The following CABP5 variants were observed in gnomAD, a reference collection of about 807,000 sequenced individuals.
The protein encoded by CABP5 is calcium binding protein 5, also known as calcium-binding protein 5.
Under a neutral mutation model 21.9 loss-of-function variants are expected in CABP5, and 17 were observed. That is an observed-to-expected ratio of 0.78 (90% CI 0.53 to 1.17). CABP5 has a LOEUF of 1.17. Ranked by LOEUF, CABP5 falls within the 50% of genes most tolerant of loss-of-function variation. The pLI, the probability that CABP5 is intolerant of heterozygous loss-of-function variation, is 0.00. For synonymous variants in CABP5, 85 were observed against 79.4 expected (o/e 1.07, Z -0.37); for missense variants, 229 against 228.9 (o/e 1.00, Z 0.00).
chr19:48,042,462 A>G (rs1248501016), intron 1 of CABP5, among the ~76,000 whole-genome samples: 2 of 151,726 alleles, frequency 1.3e-5, no homozygotes, highest in Non-Finnish European at 2.9e-5. Flanking sequence ...AATTCTACTG[A>G]CCTCTGGTCT....
At chr19:48,040,534 T>C in intron 3 of CABP5, 71 bp downstream of exon 3, 1 of 1,554,840 alleles carries the variant, frequency 6.4e-7, no homozygotes, top group Non-Finnish European at 8.8e-7. Flanking sequence ...ACTCTTAACC[T>C]CTACATCCTT....
intron 5 of CABP5, among the ~76,000 whole-genome samples, chr19:48,033,627 A>C (rs1432373201): frequency 6.6e-6 from 1 of 152,172 alleles, no homozygotes; most frequent in Non-Finnish European, 1.5e-5. Context: ...GAGAGGGGAA[A>C]GGGTATTCCA....
At chr19:48,035,692 A>G (rs1967399305) in intron 4 of CABP5, among the ~76,000 whole-genome samples, 1 of 152,272 alleles carries the variant, frequency 6.6e-6, no homozygotes, top group South Asian at 2.1e-4. Context: ...CAAGTTAACA[A>G]GTGCCGTAAG....
intron 1 of CABP5, 32 bp downstream of exon 1, chr19:48,043,828 C>G: frequency 6.8e-7 from 1 of 1,478,438 alleles, no homozygotes; most frequent in Non-Finnish European, 8.9e-7. Flanking sequence ...TTTGCCCCGC[C>G]CACCGCCCTT....
Position 48,029,849 on chromosome 19 carries a change from G to A in CABP5, c.*708C>T, listed in dbSNP as rs1222168649. On this transcript the variant is annotated 3_prime_UTR_variant, in exon 6 of 6. Transcript: ENST00000293255. ...GAGAGAGAGAGAGAAACCAGACAGT[G>A]CTTCCAGGAAATCAGGAAAAGGAAG... The A allele has an allele frequency of 9.2e-6, 1 of 108,422 alleles. No homozygotes were observed. The highest frequency in any genetic ancestry group is 9.2e-5 in the Admixed American group (1 of 10,874). 6.7% of individuals were successfully genotyped at this position (108,422 alleles called of 1,614,324 possible).
intron 1 of CABP5, among the ~76,000 whole-genome samples, chr19:48,043,255 G>A (rs954589036): frequency 2.7e-5 from 4 of 148,346 alleles, no homozygotes; most frequent in South Asian, 2.2e-4. Flanking sequence ...TGATCCTCCC[G>A]CCTCTGCCTC....
Position 48,030,449 on chromosome 19 carries a change from C to A in CABP5, c.*108G>T. 2 of 1,150,890 alleles carry A rather than the reference C, an allele frequency of 1.7e-6. No individual in the cohort carries two copies. The highest frequency in any genetic ancestry group is 2.4e-5 in the East Asian group (1 of 41,260). The allele number at this position is 1,150,890 out of a possible 1,614,324, so 71.3% of individuals were successfully genotyped here. On this transcript the variant is annotated 3_prime_UTR_variant, in exon 6 of 6. Coordinates refer to ENST00000293255, the MANE Select transcript of CABP5 (RefSeq NM_019855.5). The stretch of plus-strand genomic sequence containing the variant: ...ATGCCAATGCCCTCCCTCCCGCCTG[C>A]CCTCCCTCTCTGCTTTAAGGGGATC...
rs375256746 is a variant in CABP5, at chr19:48,034,240, A to G, written c.471T>C (p.Asn157=). The G allele has an allele frequency of 1.9e-4, 302 of 1,604,852 alleles. No homozygotes were observed. Among genetic ancestry groups the G allele is most frequent in the South Asian group, 1.0e-3 (94 of 89,878 alleles). ...ISEVVREADV[N]GDGTVDFEEF... is the part of the protein sequence containing the mutation. ...CTTCAAAGTCAACTGTGCCGTCTCC[A>G]TTAACATCAGCCTCCCGGACAACCT... The change falls in exon 5 of 6, where the codon AAT becomes AAC. Residue 157 remains asparagine (N), a synonymous_variant. Transcript: ENST00000293255.
chr19:48,033,424 G>T (rs1228602246), intron 5 of CABP5, among the ~76,000 whole-genome samples: 25 of 152,172 alleles, frequency 1.6e-4, no homozygotes, highest in Admixed American at 1.6e-3. Context: ...CTAGGATTTG[G>T]GGATATAGTG....
At position 48,029,831 on chromosome 19, in the gene CABP5, A is replaced by AGAGAGAGAGAGAGAGAGAGAGG. The variant is rs1340907930; in HGVS notation, c.*725_*726insCCTCTCTCTCTCTCTCTCTCTC. On this transcript the variant is annotated 3_prime_UTR_variant, in exon 6 of 6. Coordinates refer to ENST00000293255, the MANE Select transcript of CABP5 (RefSeq NM_019855.5). ...GAGAGAGAGAGAGAGAGAGAGAGAG[A>AGAGAGAGAGAGAGAGAGAGAGG]GAGAGAAACCAGACAGTGCTTCCAG... 1 of 151,440 alleles carries AGAGAGAGAGAGAGAGAGAGAGG rather than the reference A, an allele frequency of 6.6e-6. No individual in the cohort carries two copies. The allele number at this position is 151,440 out of a possible 1,614,324, so 9.4% of individuals were successfully genotyped here. A position where few individuals can be genotyped will look rare whatever the true frequency, so the allele number is the denominator to read the frequency against.
intron 5 of CABP5, among the ~76,000 whole-genome samples, chr19:48,032,137 G>A (rs1967347084): frequency 6.6e-6 from 1 of 151,992 alleles, no homozygotes; most frequent in Non-Finnish European, 1.5e-5. Flanking sequence ...GAGTTCCTGA[G>A]GGATGGATGA....
At position 48,030,236 on chromosome 19, in the gene CABP5, G is replaced by A. The variant is rs142481989; in HGVS notation, c.*321C>T. 184 of 310,328 alleles carry A rather than the reference G, an allele frequency of 5.9e-4. No homozygotes were observed. Among genetic ancestry groups the A allele is most frequent in the African/African-American group, 3.7e-3 (174 of 46,634 alleles). 19.2% of individuals were successfully genotyped at this position (310,328 alleles called of 1,614,324 possible). On this transcript the variant is annotated 3_prime_UTR_variant, in exon 6 of 6. Coordinates refer to ENST00000293255, the MANE Select transcript of CABP5 (RefSeq NM_019855.5). ...GAAGCTGGGGAAGAGACTCTGGCAG[G>A]TCACAGGGACTTAGGACTACGTGAA...
In CABP5 at chr19:48,030,393, G is replaced by T; in HGVS notation, c.*164C>A. 1 of 604,428 alleles carries T rather than the reference G, an allele frequency of 1.7e-6. No individual in the cohort carries two copies. The highest frequency in any genetic ancestry group is 2.9e-6 in the Non-Finnish European group (1 of 346,522). 37.4% of individuals were successfully genotyped at this position (604,428 alleles called of 1,614,324 possible). A position where few individuals can be genotyped will look rare whatever the true frequency, so the allele number is the denominator to read the frequency against. ...ACGCCCCCATCCTGGCAAAGATACC[G>T]CTCTGGGTCTCACCCCATGCACAGC... is the stretch of plus-strand genomic sequence containing the variant. On this transcript the variant is annotated 3_prime_UTR_variant, in exon 6 of 6. Coordinates refer to ENST00000293255, the MANE Select transcript of CABP5 (RefSeq NM_019855.5).
chr19:48,036,984 C>T (rs879510043), intron 4 of CABP5, among the ~76,000 whole-genome samples: 7 of 152,160 alleles, frequency 4.6e-5, no homozygotes, highest in Non-Finnish European at 8.8e-5. Context: ...CCCTGGTACA[C>T]TTTTGCTGGG....
chr19:48,040,465 C>A (rs1568414285), intron 3 of CABP5, 140 bp downstream of exon 3: 1 of 799,848 alleles, frequency 1.3e-6, no homozygotes, highest in African/African-American at 1.7e-5. Flanking sequence ...TGAGTCGAAT[C>A]TGACCTGTTT....
At chr19:48,041,527 G>C in intron 2 of CABP5, 46 bp downstream of exon 2, 2 of 1,599,272 alleles carry the variant, frequency 1.3e-6, no homozygotes, top group Non-Finnish European at 1.7e-6. Context: ...GGGCAGGTCA[G>C]GTGGGTGGAT....
At position 48,037,259 on chromosome 19, in the gene CABP5, C is replaced by CTTTTTTTTTTTTTTT. The variant is rs57230665; in HGVS notation, c.348+1934_348+1948dup. 5.4e-3 allele frequency among the ~76,000 whole-genome samples: 242 copies of CTTTTTTTTTTTTTTT among 44,976 alleles called. 65 individuals are homozygous for CTTTTTTTTTTTTTTT. The highest frequency in any genetic ancestry group is 0.016 in the East Asian group (16 of 1,002). The allele number at this position is 44,976 out of a possible 152,430, so 29.5% of individuals were successfully genotyped here. A position where few individuals can be genotyped will look rare whatever the true frequency, so the allele number is the denominator to read the frequency against. On this transcript the variant is annotated intron_variant, in intron 4 of 5. Transcript: ENST00000293255. ...AAGTACACAATGGAATACTATTCAGCTTTTTTTTTTTTTTTTTTTTTTTTT... is the reference window on the plus strand; with the variant it reads ...AAGTACACAATGGAATACTATTCAGCTTTTTTTTTTTTTTTTTTTTTTTTTTTTTTTTTTTTTTTT...
chr19:48,034,681 G>T (rs1967386906), intron 4 of CABP5, among the ~76,000 whole-genome samples: 1 of 151,866 alleles, frequency 6.6e-6, no homozygotes, highest in African/African-American at 2.4e-5. Flanking sequence ...GAGTAGCTGG[G>T]ATTACAGGCG....
intron 5 of CABP5, among the ~76,000 whole-genome samples, chr19:48,030,810 A>T (rs928546734): frequency 1.3e-5 from 2 of 151,666 alleles, no homozygotes; most frequent in East Asian, 3.9e-4. Flanking sequence ...TGTTTAATAG[A>T]TCTACCTCAT....
Sources: allele counts gnomAD v4.1 joint callset (sites outside exome capture counted in the v4.1 genomes callset), GRCh38; gene constraint gnomAD v4.1.1; transcripts MANE v1.5; gene names NCBI Gene and HGNC (gene_info 2026-07-23, HGNC 2026-07-21).